FER: variants seen among roughly 807,000 people sequenced by gnomAD.
FER encodes tyrosine-protein kinase Fer.
Under a neutral mutation model 111.0 loss-of-function variants are expected in FER, and 63 were observed. That is an observed-to-expected ratio of 0.57 (90% CI 0.46 to 0.70). The LOEUF (loss-of-function observed/expected upper bound fraction) is 0.70, where lower values mean the gene tolerates loss of function less well. Among genes scored for constraint, FER ranks in the 30% least tolerant of loss-of-function variants. The pLI is 0.00. For synonymous variants in FER, 327 were observed against 313.9 expected (o/e 1.04, Z -0.44); for missense variants, 914 against 954.0 (o/e 0.96, Z 0.55).
At chr5:108,842,076 A>G (rs533716545) in intron 5 of FER, among the ~76,000 whole-genome samples, 2 of 152,264 alleles carry the variant, frequency 1.3e-5, no homozygotes, top group African/African-American at 4.8e-5. Context: ...TTATTTTTGC[A>G]TTAAATGCAG....
chr5:108,814,497 G>A (rs1758078965), intron 3 of FER, among the ~76,000 whole-genome samples: 1 of 152,158 alleles, frequency 6.6e-6, no homozygotes. Context: ...TGGGAGATGT[G>A]CTCTGTTACA....
chr5:109,060,317 A>G (rs930905809), intron 16 of FER, among the ~76,000 whole-genome samples: 3 of 152,168 alleles, frequency 2.0e-5, no homozygotes, highest in Admixed American at 1.3e-4. Flanking sequence ...CAAAACAACA[A>G]ACTCAAGAGC....
At chr5:108,787,754 G>A (rs1007598229) in intron 2 of FER, among the ~76,000 whole-genome samples, 2 of 151,984 alleles carry the variant, frequency 1.3e-5, no homozygotes, top group Non-Finnish European at 2.9e-5. Flanking sequence ...ACCTGCCTGT[G>A]GAAAGGAGCT....
chr5:108,769,714 G>C (rs533494857), intron 2 of FER, among the ~76,000 whole-genome samples: 2 of 152,240 alleles, frequency 1.3e-5, no homozygotes, highest in South Asian at 4.2e-4. Flanking sequence ...ACATACTCAA[G>C]GATGACTTCA....
chr5:109,050,868 T>C (rs1234399221), intron 16 of FER, among the ~76,000 whole-genome samples: 1 of 152,164 alleles, frequency 6.6e-6, no homozygotes, highest in South Asian at 2.1e-4. Context: ...CCTCTGTCTT[T>C]TTCTTGTTGA....
intron 8 of FER, among the ~76,000 whole-genome samples, chr5:108,879,693 T>TAAA (rs59305064): frequency 2.1e-4 from 24 of 116,652 alleles, no homozygotes; most frequent in African/African-American, 2.3e-4. Context: ...TTTTTTAGAT[T>TAAA]AAAAAAAAAT....
At chr5:108,887,571 A>T (rs576503030) in intron 9 of FER, among the ~76,000 whole-genome samples, 10 of 151,624 alleles carry the variant, frequency 6.6e-5, no homozygotes, top group African/African-American at 1.9e-4. Flanking sequence ...AAATTTTTAT[A>T]AAAAAATTTT....
At chr5:108,968,328 A>C (rs1427236872) in intron 13 of FER, among the ~76,000 whole-genome samples, 1 of 152,192 alleles carries the variant, frequency 6.6e-6, no homozygotes, top group African/African-American at 2.4e-5. Context: ...CGGAGGTTGC[A>C]GTGAGCCAAG....
chr5:109,024,345 G>A (rs1281613407), intron 13 of FER, among the ~76,000 whole-genome samples: 3 of 152,084 alleles, frequency 2.0e-5, no homozygotes, highest in African/African-American at 7.2e-5. Context: ...CTTGAAGCCT[G>A]GACAAGGTTC....
chr5:109,020,200 A>G (rs946023701), intron 13 of FER, among the ~76,000 whole-genome samples: 1 of 151,996 alleles, frequency 6.6e-6, no homozygotes, highest in Admixed American at 6.6e-5. Context: ...AATTTCCTGC[A>G]TTTGGAAATT....
chr5:109,138,292 G>A (rs1490500361), intron 17 of FER, among the ~76,000 whole-genome samples: 2 of 152,152 alleles, frequency 1.3e-5, no homozygotes, highest in African/African-American at 4.8e-5. Flanking sequence ...ATCAAAGACA[G>A]TAAAAAGATG....
chr5:109,072,903 G>A (rs901797476), intron 16 of FER, among the ~76,000 whole-genome samples: 6 of 151,974 alleles, frequency 3.9e-5, no homozygotes, highest in African/African-American at 1.2e-4. Flanking sequence ...GCAATCCTTG[G>A]TGTTTCTTAA....
chr5:109,092,284 C>CAAAAAAAAAAAAAAAAAAAAAA (rs70999914), intron 16 of FER, among the ~76,000 whole-genome samples: 1 of 40,428 alleles, frequency 2.5e-5, no homozygotes, highest in African/African-American at 7.8e-5. Flanking sequence ...CTTATGATGG[C>CAAAAAAAAAAAAAAAAAAAAAA]AAAAAAAAAA....
chr5:108,856,133 C>T (rs1425443289), intron 5 of FER, among the ~76,000 whole-genome samples: 1 of 151,818 alleles, frequency 6.6e-6, no homozygotes, highest in East Asian at 1.9e-4. Context: ...TGAACAAGGA[C>T]AGTTTATTCA....
intron 1 of FER, 99 bp downstream of exon 1, chr5:108,748,099 C>T (rs1749999002): frequency 6.6e-6 from 1 of 152,258 alleles, no homozygotes; most frequent in South Asian, 2.1e-4. Flanking sequence ...TTTAGGCAGG[C>T]TCAGGCACTG....
At chr5:108,972,787 T>G (rs960818676) in intron 13 of FER, among the ~76,000 whole-genome samples, 7 of 152,222 alleles carry the variant, frequency 4.6e-5, no homozygotes, top group Non-Finnish European at 1.0e-4. Flanking sequence ...AATTTTGGCT[T>G]TTAACGATTC....
rs369584454 is a variant in FER, at chr5:108,867,887, A to G, written c.602A>G (p.Asp201Gly). The part of the protein sequence containing the change: ...GAQLHQNQYY[D>G]ITLPLLLDSL... Reference sequence around the variant, plus strand: ...CAGCTCCATCAGAATCAGTATTATGATATCACACTTCCCCTGCTTCTGGAC... The same window carrying G: ...CAGCTCCATCAGAATCAGTATTATGGTATCACACTTCCCCTGCTTCTGGAC... The change falls in exon 6 of 20, where the codon GAT becomes GGT. Residue 201 changes from aspartate (D) to glycine (G), a missense_variant. By Grantham distance (94) the Asp-to-Gly change is moderately conservative. Coordinates refer to ENST00000281092, the MANE Select transcript of FER (RefSeq NM_005246.4). 1 of 1,613,252 alleles carries G rather than the reference A, an allele frequency of 6.2e-7. No homozygotes were observed. The highest frequency in any genetic ancestry group is 1.3e-5 in the African/African-American group (1 of 74,882).
intron 13 of FER, among the ~76,000 whole-genome samples, chr5:109,027,562 G>A (rs958777152): frequency 6.6e-6 from 1 of 152,084 alleles, no homozygotes; most frequent in Non-Finnish European, 1.5e-5. Context: ...ACCTACTTGA[G>A]ATCGAATTTC....
At chr5:108,981,319 A>C (rs753764821) in intron 13 of FER, among the ~76,000 whole-genome samples, 2 of 152,066 alleles carry the variant, frequency 1.3e-5, no homozygotes, top group Non-Finnish European at 2.9e-5. Context: ...TTGCAAAGCT[A>C]TGTTAAATCA....
Sources: gnomAD v4.1 joint callset for allele counts (sites outside exome capture counted in the v4.1 genomes callset) on GRCh38, gnomAD v4.1.1 for gene constraint, MANE v1.5 for transcripts, NCBI Gene and HGNC (gene_info 2026-07-23, HGNC 2026-07-21) for gene names.